Variants in PJA2 observed in about 807,000 individuals in gnomAD.
The protein encoded by PJA2 is praja ring finger ubiquitin ligase 2.
PJA2 carries 25 observed loss-of-function variants against 69.3 expected under a neutral mutation model. That is an observed-to-expected ratio of 0.36 (90% CI 0.26 to 0.50). The LOEUF is 0.50. PJA2 is among the 20% of genes least tolerant of loss of function. The pLI is 0.96. For missense variants in PJA2, 809 were observed against 830.2 expected (o/e 0.97, Z 0.31); for synonymous variants, 308 against 277.8 (o/e 1.11, Z -1.08).
intron 1 of PJA2, among the ~76,000 whole-genome samples, chr5:109,395,796 C>T (rs765670694): frequency 1.3e-5 from 2 of 151,898 alleles, no homozygotes; most frequent in African/African-American, 2.4e-5. Flanking sequence ...GTCAGGAGTT[C>T]AAGACCAGCC....
intron 1 of PJA2, among the ~76,000 whole-genome samples, chr5:109,401,123 T>A (rs999621309): frequency 1.3e-5 from 2 of 151,984 alleles, no homozygotes; most frequent in Non-Finnish European, 2.9e-5. Context: ...GAAACCCTGT[T>A]AAATACAAAA....
intron 4 of PJA2, among the ~76,000 whole-genome samples, chr5:109,371,499 G>C (rs1435090446): frequency 6.6e-6 from 1 of 152,044 alleles, no homozygotes; most frequent in Non-Finnish European, 1.5e-5. Flanking sequence ...GGCTCTTGTA[G>C]TCTTAGCTCC....
intron 4 of PJA2, among the ~76,000 whole-genome samples, chr5:109,377,207 G>A (rs947800028): frequency 6.6e-6 from 1 of 151,962 alleles, no homozygotes; most frequent in African/African-American, 2.4e-5. Flanking sequence ...CAAATGAATT[G>A]TTTTATGACA....
intron 9 of PJA2, among the ~76,000 whole-genome samples, chr5:109,343,958 T>C (rs1005915202): frequency 2.0e-5 from 3 of 151,158 alleles, no homozygotes; most frequent in African/African-American, 7.3e-5. Context: ...TTAGCTGAGC[T>C]TGGTGGTGGG....
chr5:109,341,840 C>A (rs1157618740), intron 9 of PJA2, among the ~76,000 whole-genome samples: 208 of 107,886 alleles, frequency 1.9e-3, no homozygotes, highest in Middle Eastern at 8.6e-3. Flanking sequence ...GGTCAGCCCC[C>A]CGCCTGGCCA....
chr5:109,355,125 AAAAT>A (rs1762392255), intron 7 of PJA2, among the ~76,000 whole-genome samples: 2 of 152,114 alleles, frequency 1.3e-5, no homozygotes, highest in South Asian at 2.1e-4. Flanking sequence ...TCTCGTCTCA[AAAAT>A]AAATAAATAT....
rs1168210385 is a variant in PJA2, at chr5:109,369,145, C to T, written c.1284-399G>A. ...GCCACTATGCTTCCTGTACAGCCTG[C>T]TGAACTATGAACCAATTAAACCTCT... On this transcript the variant is annotated intron_variant, in intron 4 of 9. Coordinates refer to ENST00000361189, the MANE Select transcript of PJA2 (RefSeq NM_014819.5). 2.6e-5 allele frequency among the ~76,000 whole-genome samples: 4 copies of T among 152,216 alleles called. No homozygotes were observed. In the South Asian group the frequency reaches 8.3e-4, roughly 32 times the overall value.
At chr5:109,382,292 C>T (rs910939328) in intron 2 of PJA2, among the ~76,000 whole-genome samples, 1 of 152,132 alleles carries the variant, frequency 6.6e-6, no homozygotes, top group Non-Finnish European at 1.5e-5. Context: ...CCAGGTCAAA[C>T]ACATACTACC....
chr5:109,395,055 G>C (rs1026567011), intron 1 of PJA2, among the ~76,000 whole-genome samples: 6 of 152,122 alleles, frequency 3.9e-5, no homozygotes, highest in African/African-American at 1.4e-4. Context: ...GTCTTAGGGA[G>C]CAGTGTTCCA....
At chr5:109,342,509 T>G (rs1762090560) in intron 9 of PJA2, among the ~76,000 whole-genome samples, 1 of 114,182 alleles carries the variant, frequency 8.8e-6, no homozygotes, top group Non-Finnish European at 1.8e-5. Context: ...AGCCACCCCG[T>G]CCGGGAGGGA....
rs200119867 is a variant in PJA2, at chr5:109,378,536, T to C, written c.951A>G (p.Lys317=). Residue 317 remains lysine (K), a synonymous_variant, in exon 4 of 10, where the codon AAA becomes AAG. Coordinates refer to ENST00000361189, the MANE Select transcript of PJA2 (RefSeq NM_014819.5). ...GSSPEQVVRP[K]VRKLISSSQV... ...GGCTTGAACTTATCAGTTTTCTAAC[T>C]TTTGGCCTCACTACCTGTTCAGGAG... is the stretch of plus-strand genomic sequence containing the variant. 1 of 1,614,202 alleles carries C rather than the reference T, an allele frequency of 6.2e-7. No individual in the cohort carries two copies. The highest frequency in any genetic ancestry group is 2.2e-5 in the East Asian group (1 of 44,882).
chr5:109,403,249 C>T (rs1243133757), intron 1 of PJA2, among the ~76,000 whole-genome samples: 2 of 151,992 alleles, frequency 1.3e-5, no homozygotes, highest in African/African-American at 4.8e-5. Flanking sequence ...AGACAAATGC[C>T]TTGAAAGACA....
At chr5:109,344,100 C>CAA (rs916556182) in intron 9 of PJA2, 90 bp downstream of exon 9, 10,899 of 396,294 alleles carry the variant, frequency 0.028, 127 homozygotes, top group African/African-American at 0.061. Flanking sequence ...TTTGTCTCAC[C>CAA]AAAAAAAAAA....
chr5:109,401,387 A>C (rs962578956), intron 1 of PJA2, among the ~76,000 whole-genome samples: 1 of 152,120 alleles, frequency 6.6e-6, no homozygotes, highest in Admixed American at 6.5e-5. Context: ...TTGAGTCTAG[A>C]AGCTCAAGGC....
In PJA2 at chr5:109,336,379, T is replaced by C. The variant is rs111419182; in HGVS notation, c.*852A>G. 97 of 152,288 alleles carry C rather than the reference T, an allele frequency of 6.4e-4. No homozygotes were observed. Among genetic ancestry groups the C allele is most frequent in the African/African-American group, 1.9e-3 (81 of 41,570 alleles). The allele number at this position is 152,288 out of a possible 1,614,324, so 9.4% of individuals were successfully genotyped here. ...TTCCAAAATACTGTAGAAGCAAAAT[T>C]ACCTTAAACTAACTATAAGCAATAT... On this transcript the variant is annotated 3_prime_UTR_variant, in exon 10 of 10. Coordinates refer to ENST00000361189, the MANE Select transcript of PJA2 (RefSeq NM_014819.5).
rs185905137 is a variant in PJA2 at position 109,352,970 on chromosome 5, A to G, written c.1764+2945T>C. On this transcript the variant is annotated intron_variant, in intron 7 of 9. Transcript: ENST00000361189. Reference sequence around the variant, plus strand: ...ACCTATTATATCTATAGACATCTATATATTAGATACCTATATCTATAGATA... The same window carrying G: ...ACCTATTATATCTATAGACATCTATGTATTAGATACCTATATCTATAGATA... Among the ~76,000 whole-genome samples the G allele has an allele frequency of 6.5e-4, 23 of 35,630 alleles. No individual in the cohort carries two copies. The East Asian group carries it at 7.3e-3, about 11-fold the overall frequency. 23.4% of individuals were successfully genotyped at this position (35,630 alleles called of 152,430 possible).
At chr5:109,353,435 TATATATAGATATCTATATATTAGATAC>T (rs1762311571) in intron 7 of PJA2, among the ~76,000 whole-genome samples, 1 of 50,406 alleles carries the variant, frequency 2.0e-5, no homozygotes, top group Non-Finnish European at 6.2e-5. Context: ...ATTAGATACC[TATATATAGATATCTATATATTAGATAC>T]CTATATCTAT....
chr5:109,397,329 C>T (rs1191271016), intron 1 of PJA2, among the ~76,000 whole-genome samples: 1 of 152,160 alleles, frequency 6.6e-6, no homozygotes, highest in Non-Finnish European at 1.5e-5. Context: ...ACAAAAGTCA[C>T]TACAGTAAAC....
chr5:109,383,306 A>G, intron 2 of PJA2, 97 bp downstream of exon 2: 1 of 1,055,246 alleles, frequency 9.5e-7, no homozygotes, highest in Non-Finnish European at 1.4e-6. Context: ...TTTTAGTAAG[A>G]CCACAGGTCA....
Sources: allele counts gnomAD v4.1 joint callset (sites outside exome capture counted in the v4.1 genomes callset), GRCh38; gene constraint gnomAD v4.1.1; transcripts MANE v1.5; gene names NCBI Gene and HGNC (gene_info 2026-07-23, HGNC 2026-07-21).